LAMA1: variants seen among roughly 807,000 people sequenced by gnomAD.
LAMA1 encodes laminin subunit alpha-1.
A neutral mutation model predicts 348.7 loss-of-function variants in LAMA1; 219 were observed. The ratio of observed to expected loss-of-function variants is 0.63; its 90% CI spans 0.56 to 0.70. The LOEUF (loss-of-function observed/expected upper bound fraction) is 0.70, where lower values mean the gene tolerates loss of function less well. Among genes scored for constraint, LAMA1 ranks in the 30% least tolerant of loss-of-function variants. LAMA1 has a pLI of 0.00. For missense variants in LAMA1, 3,744 were observed against 3,888.0 expected, an observed-to-expected ratio of 0.96 and a Z score of 0.99; for synonymous variants, 1,487 against 1,491.0, an observed-to-expected ratio of 1.00 and a Z score of 0.06.
At chr18:7,034,724 C>A (rs777853472) in intron 13 of LAMA1, 34 bp from the exon 14 acceptor site, 2 of 1,566,504 alleles carry the variant, frequency 1.3e-6, no homozygotes, top group South Asian at 2.3e-5. Context: ...ATATATTTGT[C>A]ATTCAATTTA....
intron 28 of LAMA1, among the ~76,000 whole-genome samples, chr18:7,008,206 G>A (rs1646840300): frequency 6.6e-6 from 1 of 152,124 alleles, no homozygotes; most frequent in Non-Finnish European, 1.5e-5. Flanking sequence ...TTTAATGAGT[G>A]CAGAGTTTGC....
At chr18:7,032,934 T>A in intron 15 of LAMA1, 50 bp downstream of exon 15, 1 of 1,371,078 alleles carries the variant, frequency 7.3e-7, no homozygotes, top group Non-Finnish European at 1.0e-6. Context: ...TGCACTGTTT[T>A]CCCCTTAGGA....
intron 3 of LAMA1, chr18:7,079,369 T>C (rs2058183632): frequency 6.4e-6 from 1 of 157,214 alleles, no homozygotes; most frequent in African/African-American, 2.4e-5. Flanking sequence ...CATCCTCCTA[T>C]GTGGACTTGA....
At chr18:6,957,015 C>T in intron 55 of LAMA1, 1 of 473,976 alleles carries the variant, frequency 2.1e-6, no homozygotes, top group South Asian at 2.0e-5. Flanking sequence ...CTGGCCATTC[C>T]TGAGCACCCC....
Position 7,087,030 on chromosome 18 carries a change from A to C in LAMA1, c.62-6573T>G, listed in dbSNP as rs372231004. Among the ~76,000 whole-genome samples the C allele has an allele frequency of 3.7e-4, 56 of 152,322 alleles. No individual in the cohort carries two copies. The East Asian group carries it at 8.7e-3, about 24-fold the overall frequency. ...ATTCTTTGATCTTTTTGGACAAAAG[A>C]AGCAAATAGAAATAGAGAGAAAAAT... On this transcript the variant is annotated intron_variant, in intron 1 of 62. Coordinates refer to ENST00000389658, the MANE Select transcript of LAMA1 (RefSeq NM_005559.4).
intron 61 of LAMA1, among the ~76,000 whole-genome samples, chr18:6,945,461 G>A (rs942470601): frequency 6.6e-6 from 1 of 152,134 alleles, no homozygotes; most frequent in Non-Finnish European, 1.5e-5. Flanking sequence ...GAAACAACCG[G>A]TAAGTCCTGG....
chr18:6,977,800 A>G lies in LAMA1; in HGVS notation c.6272T>C (p.Leu2091Ser). 6.2e-7 allele frequency: 1 copy of G among 1,614,190 alleles called. No homozygotes were observed. Among genetic ancestry groups the G allele is most frequent in the Non-Finnish European group, 8.5e-7 (1 of 1,180,030 alleles). ...LFDRLKPLKM[L>S]EENLSRNLSE... is the part of the protein sequence containing the mutation. ...TAGGTTTCTGCTCAGATTCTCCTCT[A>G]ACATCTTCAAAGGCTTCAACCGATC... Residue 2091 changes from leucine (L) to serine (S), a missense_variant, in exon 44 of 63, where the codon TTA becomes TCA. Transcript: ENST00000389658.
chr18:6,992,462 T>C, intron 36 of LAMA1, 99 bp downstream of exon 36: 11 of 1,322,938 alleles, frequency 8.3e-6, no homozygotes, highest in Non-Finnish European at 1.2e-5. Flanking sequence ...TCATTTCCAG[T>C]GAGCACTTTT....
Position 7,019,360 on chromosome 18 carries a change from C to T in LAMA1, c.2702-1976G>A, listed in dbSNP as rs572335219. 5.3e-5 allele frequency among the ~76,000 whole-genome samples: 8 copies of T among 152,196 alleles called. No homozygotes were observed. The South Asian group carries it at 6.2e-4, about 12-fold the overall frequency. ...CTCTCCTGCCCTCCCTCTTGTTTCT[C>T]GTGTGTCTCCCCTCCGTGTTTCATT... On this transcript the variant is annotated intron_variant, in intron 19 of 62. Coordinates refer to ENST00000389658, the MANE Select transcript of LAMA1 (RefSeq NM_005559.4).
chr18:7,038,937 C>T lies in LAMA1; in HGVS notation c.1436G>A (p.Gly479Glu). The T allele has an allele frequency of 6.2e-7, 1 of 1,613,554 alleles. No individual in the cohort carries two copies. Residue 479 changes from glycine (G) to glutamate (E), a missense_variant, in exon 11 of 63, where the codon GGG becomes GAG. By Grantham distance (98) the Gly-to-Glu change is moderately conservative. Coordinates refer to ENST00000389658, the MANE Select transcript of LAMA1 (RefSeq NM_005559.4). ...TGGCTTGCAGCGATCACAGGCCTTC[C>T]CCTCAACGTTTTCCTGTAAGTTAGG... is the stretch of plus-strand genomic sequence containing the variant. ...GPCVCKENVEGKACDRCKPGF... is the reference protein window; with the variant it reads ...GPCVCKENVEEKACDRCKPGF...
intron 3 of LAMA1, among the ~76,000 whole-genome samples, chr18:7,054,411 A>G (rs150900490): frequency 1.6e-3 from 241 of 152,322 alleles, no homozygotes; most frequent in African/African-American, 5.5e-3. Flanking sequence ...ATTCAGCCTT[A>G]GCAAGCATTC....
intron 54 of LAMA1, 150 bp from the exon 55 acceptor site, chr18:6,958,812 G>A: frequency 1.5e-6 from 1 of 668,412 alleles, no homozygotes; most frequent in South Asian, 2.0e-5. Context: ...GACCAAAAAG[G>A]TGAATCTTGA....
intron 3 of LAMA1, among the ~76,000 whole-genome samples, chr18:7,074,788 G>T (rs1459684781): frequency 6.6e-6 from 1 of 151,842 alleles, no homozygotes; most frequent in African/African-American, 2.4e-5. Context: ...GTGAATAGTA[G>T]ACATTATTTT....
At chr18:6,968,975 A>G (rs1438555886) in intron 48 of LAMA1, among the ~76,000 whole-genome samples, 1 of 152,154 alleles carries the variant, frequency 6.6e-6, no homozygotes, top group African/African-American at 2.4e-5. Flanking sequence ...TAGGGTATTA[A>G]CTCTTTGAAC....
At chr18:6,969,888 G>A (rs1267948408) in intron 48 of LAMA1, among the ~76,000 whole-genome samples, 1 of 152,192 alleles carries the variant, frequency 6.6e-6, no homozygotes, top group East Asian at 1.9e-4. Context: ...ATTCAGTGCT[G>A]TAGCTTGACG....
intron 1 of LAMA1, among the ~76,000 whole-genome samples, chr18:7,083,192 C>CCTT (rs1457187464): frequency 9.8e-6 from 1 of 102,410 alleles, no homozygotes. Flanking sequence ...TATATATATA[C>CCTT]ATTTTTTTTT....
At chr18:7,017,600 C>T (rs665265) in intron 19 of LAMA1, among the ~76,000 whole-genome samples, 20,149 of 152,158 alleles carry the variant, frequency 0.13, 1,457 homozygotes, top group Middle Eastern at 0.18. Flanking sequence ...AGGAAAAACA[C>T]ATTGAAGCTA....
intron 36 of LAMA1, among the ~76,000 whole-genome samples, chr18:6,989,328 T>C (rs1448837916): frequency 2.6e-5 from 4 of 152,192 alleles, no homozygotes; most frequent in Admixed American, 6.5e-5. Context: ...AGTACAGTTA[T>C]ATGCTGAATC....
At chr18:7,022,873 C>A (rs180933910) in intron 19 of LAMA1, among the ~76,000 whole-genome samples, 2 of 152,144 alleles carry the variant, frequency 1.3e-5, no homozygotes, top group Non-Finnish European at 2.9e-5. Context: ...ATTTCAGTCA[C>A]GGGGAGCAGA....
Sources: allele counts gnomAD v4.1 joint callset (sites outside exome capture counted in the v4.1 genomes callset), GRCh38; gene constraint gnomAD v4.1.1; transcripts MANE v1.5; gene names NCBI Gene and HGNC (gene_info 2026-07-23, HGNC 2026-07-21).